The following ADAMTS3 variants were observed in gnomAD, a reference collection of about 807,000 sequenced individuals.
ADAMTS3 encodes the protein ADAM metallopeptidase with thrombospondin type 1 motif 3.
ADAMTS3 carries 73 observed loss-of-function variants against 129.0 expected under a neutral mutation model. That is an observed-to-expected ratio of 0.57 (90% confidence interval 0.47 to 0.69). The LOEUF is 0.69. Among genes scored for constraint, ADAMTS3 ranks in the 30% least tolerant of loss-of-function variants. The probability of loss-of-function intolerance (pLI) is 0.00; values close to 1 mark genes in which losing one functional copy is unlikely to be tolerated. For synonymous variants in ADAMTS3, 477 were observed against 510.8 expected (o/e 0.93, Z 0.89); for missense variants, 1,457 against 1,514.5 (o/e 0.96, Z 0.63).
At chr4:72,285,226 T>C (rs1718473394) in intron 21 of ADAMTS3, among the ~76,000 whole-genome samples, 1 of 152,204 alleles carries the variant, frequency 6.6e-6, no homozygotes, top group South Asian at 2.1e-4. Flanking sequence ...CTTCCCAAAT[T>C]GTGAAATGAC....
intron 3 of ADAMTS3, among the ~76,000 whole-genome samples, chr4:72,535,817 G>T (rs978935450): frequency 2.6e-5 from 4 of 152,040 alleles, no homozygotes; most frequent in Non-Finnish European, 5.9e-5. Flanking sequence ...AAAAGAATGA[G>T]GTTGGGAAGA....
At chr4:72,534,787 A>T (rs1450932521) in intron 3 of ADAMTS3, among the ~76,000 whole-genome samples, 1 of 152,180 alleles carries the variant, frequency 6.6e-6, no homozygotes, top group Non-Finnish European at 1.5e-5. Flanking sequence ...ATAGATGAAC[A>T]TGTTCCTAAT....
chr4:72,448,710 CAGA>C lies in ADAMTS3; in HGVS notation c.505-33742_505-33740del, dbSNP rs1229348027. Among the ~76,000 whole-genome samples the C allele has an allele frequency of 4.6e-5, 7 of 151,678 alleles. No individual in the cohort carries two copies. The South Asian group carries it at 8.3e-4, about 18-fold the overall frequency. On this transcript the variant is annotated intron_variant, in intron 3 of 21. Transcript: ENST00000286657. The stretch of plus-strand genomic sequence containing the variant: ...CTGAATTATTTTTCTGATATCCCTG[CAGA>C]AGATGACATTATAAAATTCTTGTAA...
chr4:72,502,336 A>G (rs903028207), intron 3 of ADAMTS3, among the ~76,000 whole-genome samples: 5 of 152,026 alleles, frequency 3.3e-5, no homozygotes, highest in Non-Finnish European at 7.4e-5. Flanking sequence ...TCCTGATTCA[A>G]TCTTGGAAGG....
intron 3 of ADAMTS3, among the ~76,000 whole-genome samples, chr4:72,512,201 T>A (rs1441610378): frequency 6.6e-6 from 1 of 152,030 alleles, no homozygotes; most frequent in Admixed American, 6.6e-5. Context: ...CCTGGTTGGG[T>A]GCACTGGCTC....
intron 2 of ADAMTS3, among the ~76,000 whole-genome samples, chr4:72,549,838 A>G (rs1453143738): frequency 6.6e-6 from 1 of 151,256 alleles, no homozygotes; most frequent in Non-Finnish European, 1.5e-5. Context: ...GTCTATCAAA[A>G]TGCAAACACC....
intron 3 of ADAMTS3, among the ~76,000 whole-genome samples, chr4:72,515,717 T>C (rs946276742): frequency 6.6e-6 from 1 of 151,956 alleles, no homozygotes; most frequent in African/African-American, 2.4e-5. Flanking sequence ...TTTGAGTTCA[T>C]TGTAGATTCT....
intron 3 of ADAMTS3, among the ~76,000 whole-genome samples, chr4:72,512,618 A>T (rs142996634): frequency 5.8e-4 from 88 of 152,230 alleles, no homozygotes; most frequent in African/African-American, 2.0e-3. Context: ...GATTATTTGT[A>T]ACTCAAAGGA....
At chr4:72,550,109 GAAGAAGA>G (rs1721607201) in intron 2 of ADAMTS3, among the ~76,000 whole-genome samples, 1 of 138,436 alleles carries the variant, frequency 7.2e-6, no homozygotes, top group Non-Finnish European at 1.6e-5. Flanking sequence ...AGAAGAAGAA[GAAGAAGA>G]AGGCATAGAA....
intron 2 of ADAMTS3, among the ~76,000 whole-genome samples, chr4:72,550,184 G>A (rs373540130): frequency 1.6e-4 from 25 of 151,536 alleles, no homozygotes; most frequent in Admixed American, 3.9e-4. Flanking sequence ...CTAGCCTTAC[G>A]CTAATCCTAT....
At chr4:72,300,793 G>A (rs1159897003) in intron 17 of ADAMTS3, among the ~76,000 whole-genome samples, 1 of 152,124 alleles carries the variant, frequency 6.6e-6, no homozygotes, top group African/African-American at 2.4e-5. Flanking sequence ...AGCATCCTAT[G>A]GAGAGGCTTA....
intron 4 of ADAMTS3, among the ~76,000 whole-genome samples, chr4:72,397,321 T>A (rs896013834): frequency 6.6e-6 from 1 of 151,940 alleles, no homozygotes; most frequent in East Asian, 1.9e-4. Context: ...TCCTAGCACT[T>A]TGGGAGGCCG....
At chr4:72,390,220 G>A (rs1340611829) in intron 4 of ADAMTS3, among the ~76,000 whole-genome samples, 1 of 152,086 alleles carries the variant, frequency 6.6e-6, no homozygotes, top group Non-Finnish European at 1.5e-5. Flanking sequence ...GAGAAGGATG[G>A]CATAAGAATC....
At chr4:72,385,508 G>A (rs1721423565) in intron 4 of ADAMTS3, among the ~76,000 whole-genome samples, 1 of 152,006 alleles carries the variant, frequency 6.6e-6, no homozygotes, top group African/African-American at 2.4e-5. Context: ...ATTACATTAA[G>A]TGAAATGCTC....
chr4:72,517,215 A>T (rs1456015613), intron 3 of ADAMTS3, among the ~76,000 whole-genome samples: 1 of 152,044 alleles, frequency 6.6e-6, no homozygotes, highest in Admixed American at 6.6e-5. Flanking sequence ...AAGCTTTTTG[A>T]TGTGCTGCTG....
intron 3 of ADAMTS3, among the ~76,000 whole-genome samples, chr4:72,455,718 T>C (rs1361321405): frequency 6.8e-6 from 1 of 146,918 alleles, no homozygotes; most frequent in Non-Finnish European, 1.5e-5. Flanking sequence ...ATCTGTCGGC[T>C]TTATCAAATT....
intron 3 of ADAMTS3, among the ~76,000 whole-genome samples, chr4:72,485,966 G>A (rs993852979): frequency 6.6e-6 from 1 of 152,120 alleles, no homozygotes; most frequent in Admixed American, 6.5e-5. Context: ...TGAAACTGCT[G>A]GTACCTTGAT....
chr4:72,296,044 T>C (rs1253733119), intron 18 of ADAMTS3, among the ~76,000 whole-genome samples: 1 of 151,942 alleles, frequency 6.6e-6, no homozygotes, highest in African/African-American at 2.4e-5. Context: ...ATATACACAG[T>C]CTAGCATGAG....
In ADAMTS3 at chr4:72,376,306, T is replaced by C. The variant is rs1397873074; in HGVS notation, c.662-36613A>G. ...GCCCATTCCTCATAGACACCTTCTA[T>C]GTGTCTTCATACGGCGGAAAGGTAG... On this transcript the variant is annotated intron_variant, in intron 4 of 21. Transcript: ENST00000286657. Among the ~76,000 whole-genome samples, 5 of 152,196 alleles carry C rather than the reference T, an allele frequency of 3.3e-5. No individual in the cohort carries two copies. In the East Asian group the frequency reaches 9.6e-4, roughly 29 times the overall value.
Sources: gnomAD v4.1 joint callset for allele counts (sites outside exome capture counted in the v4.1 genomes callset) on GRCh38, gnomAD v4.1.1 for gene constraint, MANE v1.5 for transcripts, NCBI Gene and HGNC (gene_info 2026-07-23, HGNC 2026-07-21) for gene names.